Variants in SLAIN1 observed in about 807,000 individuals in gnomAD.
SLAIN1 encodes SLAIN motif-containing protein 1.
Under a neutral mutation model 55.4 loss-of-function variants are expected in SLAIN1, and 17 were observed. That is an observed-to-expected ratio of 0.31 (90% confidence interval 0.21 to 0.46). The LOEUF (loss-of-function observed/expected upper bound fraction) is 0.46, where lower values mean the gene tolerates loss of function less well. Among genes scored for constraint, SLAIN1 ranks in the 20% least tolerant of loss-of-function variants. The pLI, the probability that SLAIN1 is intolerant of heterozygous loss-of-function variation, is 1.00. For missense variants in SLAIN1, 682 were observed against 785.1 expected (o/e 0.87, Z 1.57); for synonymous variants, 348 against 337.4 (o/e 1.03, Z -0.35).
chr13:77,729,409 A>G (rs2091336596), intron 2 of SLAIN1, among the ~76,000 whole-genome samples: 1 of 152,192 alleles, frequency 6.6e-6, no homozygotes. Context: ...CACCAAGGAA[A>G]AAATAAAACA....
At chr13:77,747,815 C>T (rs956491505) in intron 4 of SLAIN1, among the ~76,000 whole-genome samples, 9 of 152,120 alleles carry the variant, frequency 5.9e-5, no homozygotes, top group African/African-American at 2.2e-4. Flanking sequence ...TTCGTTTATT[C>T]TATCTCTTCA....
rs955558134 is a variant in SLAIN1 at position 77,698,890 on chromosome 13, C to G, written c.626+351C>G. 2.6e-6 allele frequency: 4 copies of G among 1,531,884 alleles called. No homozygotes were observed. The highest frequency in any genetic ancestry group is 2.6e-6 in the Non-Finnish European group (3 of 1,145,110). 94.9% of individuals were successfully genotyped at this position (1,531,884 alleles called of 1,614,324 possible). A position where few individuals can be genotyped will look rare whatever the true frequency, so the allele number is the denominator to read the frequency against. On this transcript the variant is annotated intron_variant, in intron 1 of 6. Coordinates refer to ENST00000418532, the MANE Select transcript of SLAIN1 (RefSeq NM_001242868.2). The surrounding 1 kb of genome is among the most constrained non-coding windows in gnomAD (Gnocchi z 4.1). ...TCTTGTCTTTTTGCTCAGTGCTGCTCTTTTCCCCAGTGTTTTCGGAGGGAT... is the reference window on the plus strand; with the variant it reads ...TCTTGTCTTTTTGCTCAGTGCTGCTGTTTTCCCCAGTGTTTTCGGAGGGAT...
rs951878489 is a variant in SLAIN1 at position 77,698,619 on chromosome 13, C to T, written c.626+80C>T. On this transcript the variant is annotated intron_variant, in intron 1 of 6. Coordinates refer to ENST00000418532, the MANE Select transcript of SLAIN1 (RefSeq NM_001242868.2). This position sits in a 1 kb window ranked among gnomAD's most constrained non-coding sequence, Gnocchi z 4.1. Reference sequence around the variant, plus strand: ...CCGGGGAGCGGGGGCGGGGGGCGGACGGGGGTCCCCTCGCGGCAGCCGGGG... The same window carrying T: ...CCGGGGAGCGGGGGCGGGGGGCGGATGGGGGTCCCCTCGCGGCAGCCGGGG... 1.5e-6 allele frequency: 2 copies of T among 1,321,992 alleles called. No individual in the cohort carries two copies. The highest frequency in any genetic ancestry group is 1.9e-6 in the Non-Finnish European group (2 of 1,040,330). 81.9% of individuals were successfully genotyped at this position (1,321,992 alleles called of 1,614,324 possible).
intron 2 of SLAIN1, among the ~76,000 whole-genome samples, chr13:77,742,586 CAT>C (rs1172895106): frequency 6.6e-6 from 1 of 151,808 alleles, no homozygotes; most frequent in African/African-American, 2.4e-5. Context: ...TATAGAATTA[CAT>C]ATAGTTAATA....
intron 1 of SLAIN1, among the ~76,000 whole-genome samples, chr13:77,713,732 T>C (rs577655565): frequency 1.3e-5 from 2 of 152,312 alleles, no homozygotes; most frequent in African/African-American, 4.8e-5. Context: ...GTATGTTTAT[T>C]GTGGCACTGT....
At position 77,698,950 on chromosome 13, in the gene SLAIN1, A is replaced by T. The variant is rs1372954466; in HGVS notation, c.626+411A>T. 3.3e-6 allele frequency: 5 copies of T among 1,534,064 alleles called. No homozygotes were observed. Among genetic ancestry groups the T allele is most frequent in the Admixed American group, 3.9e-5 (2 of 50,990 alleles). On this transcript the variant is annotated intron_variant, in intron 1 of 6. Coordinates refer to ENST00000418532, the MANE Select transcript of SLAIN1 (RefSeq NM_001242868.2). The surrounding 1 kb of genome is among the most constrained non-coding windows in gnomAD (Gnocchi z 4.1). ...TGGTAGGGGTTGGCCTCTGTCTGCG[A>T]CTGTTACTGTTCTTTCGTTTTAAAC...
chr13:77,752,211 T>A (rs1451482513), intron 4 of SLAIN1, among the ~76,000 whole-genome samples: 1 of 152,132 alleles, frequency 6.6e-6, no homozygotes, highest in Non-Finnish European at 1.5e-5. Flanking sequence ...ATCTGAAGTT[T>A]GAATTTTATT....
intron 2 of SLAIN1, among the ~76,000 whole-genome samples, chr13:77,728,128 C>T (rs915412453): frequency 1.3e-5 from 2 of 152,054 alleles, no homozygotes; most frequent in African/African-American, 4.8e-5. Context: ...TTTATTAGAT[C>T]TGTGTGTATT....
Position 77,761,079 on chromosome 13 carries a change from C to T in SLAIN1, c.1666C>T (p.Pro556Ser). ...GTTGGCAATAAATGGGAGTAACCTG[C>T]CTCGAAGCAAAATTGCACAACCTGT... is the stretch of plus-strand genomic sequence containing the variant. The part of the protein sequence containing the change: ...PSLAINGSNL[P>S]RSKIAQPVRS... Residue 556 changes from proline (P) to serine (S), a missense_variant, in exon 6 of 7, where the codon CCT becomes TCT. Physicochemically the swap from Pro to Ser is moderately conservative, Grantham distance 74. Coordinates refer to ENST00000418532, the MANE Select transcript of SLAIN1 (RefSeq NM_001242868.2). 4.3e-6 allele frequency: 7 copies of T among 1,614,130 alleles called. No individual in the cohort carries two copies. The highest frequency in any genetic ancestry group is 4.2e-6 in the Non-Finnish European group (5 of 1,180,004).
intron 5 of SLAIN1, among the ~76,000 whole-genome samples, chr13:77,753,991 C>CT (rs1874422998): frequency 6.6e-6 from 1 of 152,182 alleles, no homozygotes; most frequent in Admixed American, 6.5e-5. Context: ...TGTATCTTCA[C>CT]TTTATGTGGG....
rs531297065 is a variant in SLAIN1 at position 77,744,362 on chromosome 13, T to A, written c.846T>A (p.Asp282Glu). ...SELSTSELED[D>E]SISMGYKLQD... ...TGAGTACTTCAGAATTGGAGGATGA[T>A]TCTATCTCCATGGGATATAAATTAC... The change falls in exon 3 of 7, where the codon GAT becomes GAA. Residue 282 changes from aspartate (D) to glutamate (E), a missense_variant. Around this residue, in one of 3 missense-constraint regions of SLAIN1, gnomAD observed 401 missense variants for 417.3 expected, o/e 0.96. Transcript: ENST00000418532. 2.1e-4 allele frequency: 331 copies of A among 1,612,886 alleles called. 3 individuals carry two copies. The South Asian group carries it at 3.5e-3, about 17-fold the overall frequency.
chr13:77,738,012 C>T (rs1156779126), intron 2 of SLAIN1, among the ~76,000 whole-genome samples: 3 of 151,944 alleles, frequency 2.0e-5, no homozygotes, highest in Non-Finnish European at 4.4e-5. Flanking sequence ...GCAGACTTCT[C>T]GGAATGACTG....
At chr13:77,725,091 C>T (rs763001132) in intron 2 of SLAIN1, among the ~76,000 whole-genome samples, 24 of 152,120 alleles carry the variant, frequency 1.6e-4, no homozygotes, top group Non-Finnish European at 3.5e-4. Context: ...CCCAATGTAA[C>T]TATTACTACT....
At chr13:77,721,901 C>T (rs529383900) in intron 2 of SLAIN1, among the ~76,000 whole-genome samples, 1 of 149,164 alleles carries the variant, frequency 6.7e-6, no homozygotes, top group Non-Finnish European at 1.5e-5. Context: ...ACAGTTTACC[C>T]ACCCCGGCAT....
At chr13:77,735,427 G>A (rs956828844) in intron 2 of SLAIN1, among the ~76,000 whole-genome samples, 2 of 152,058 alleles carry the variant, frequency 1.3e-5, no homozygotes, top group Non-Finnish European at 2.9e-5. Context: ...AGCCCTGCAC[G>A]TTTTTCTGAG....
chr13:77,757,632 T>C (rs1396721428), intron 5 of SLAIN1, among the ~76,000 whole-genome samples: 1 of 152,142 alleles, frequency 6.6e-6, no homozygotes, highest in Non-Finnish European at 1.5e-5. Context: ...CTCATTCTTA[T>C]GCCTTTACAT....
intron 1 of SLAIN1, among the ~76,000 whole-genome samples, chr13:77,709,819 G>T (rs547636169): frequency 1.3e-5 from 2 of 152,038 alleles, no homozygotes; most frequent in Non-Finnish European, 2.9e-5. Context: ...CACCCAGGCC[G>T]GAGTGCAATG....
At position 77,697,822 on chromosome 13, in the gene SLAIN1, C is replaced by A; in HGVS notation, c.-92C>A. ...GCGTGGTCGGCCCCCCAGGCCGGGG[C>A]GACAGGGAAGGAGCCGTAGCCTCCC... On this transcript the variant is annotated 5_prime_UTR_variant, in exon 1 of 7. Transcript: ENST00000418532. 8.5e-6 allele frequency: 10 copies of A among 1,177,124 alleles called. No homozygotes were observed. The highest frequency in any genetic ancestry group is 1.1e-5 in the Non-Finnish European group (10 of 952,068). The allele number at this position is 1,177,124 out of a possible 1,614,324, so 72.9% of individuals were successfully genotyped here.
chr13:77,750,504 A>G (rs1874133858), intron 4 of SLAIN1, among the ~76,000 whole-genome samples: 1 of 152,162 alleles, frequency 6.6e-6, no homozygotes, highest in Non-Finnish European at 1.5e-5. Context: ...CACTAAGATT[A>G]TGTAGAGATG....
Sources: allele counts gnomAD v4.1 joint callset (sites outside exome capture counted in the v4.1 genomes callset), GRCh38; gene constraint gnomAD v4.1.1; regional missense constraint gnomAD v4.1.1; non-coding constraint Gnocchi (gnomAD v3.1); transcripts MANE v1.5; gene names NCBI Gene and HGNC (gene_info 2026-07-23, HGNC 2026-07-21).